The following CELSR1 variants were observed in gnomAD, a reference collection of about 807,000 sequenced individuals.
The protein encoded by CELSR1 is cadherin EGF LAG seven-pass G-type receptor 1.
In CELSR1, 110 loss-of-function variants were observed where a neutral mutation model predicts 249.1. The ratio of observed to expected loss-of-function variants is 0.44; its 90% CI spans 0.38 to 0.52. The LOEUF is 0.52. Among genes scored for constraint, CELSR1 ranks in the 20% least tolerant of loss-of-function variants. The pLI is 0.00. For missense variants in CELSR1, 4,109 were observed against 4,296.4 expected (o/e 0.96, Z 1.22); for synonymous variants, 2,113 against 1,900.0 (o/e 1.11, Z -2.92).
chr22:46,511,278 C>T (rs1374157793), intron 1 of CELSR1, among the ~76,000 whole-genome samples: 1 of 152,180 alleles, frequency 6.6e-6, no homozygotes, highest in Admixed American at 6.5e-5. Context: ...AACAAGGGCA[C>T]ACCTGGAGAC....
chr22:46,366,422 A>G lies in CELSR1; in HGVS notation c.8264T>C (p.Leu2755Ser), dbSNP rs1273515564. ...GTCCAGCGAGGCGGTGGACTCGCCC[A>G]AGTCTGTGCGCAGCATGTCAGGCCC... ...GDGPDMLRTD[L>S]GESTASLDSI... The change falls in exon 30 of 35, where the codon TTG becomes TCG. Residue 2755 changes from leucine to serine, a missense_variant. Physicochemically the swap from Leu to Ser is moderately radical, Grantham distance 145. Coordinates refer to ENST00000674500, the MANE Select transcript of CELSR1 (RefSeq NM_001378328.1). The G allele has an allele frequency of 3.2e-6, 5 of 1,549,954 alleles. No individual in the cohort carries two copies. The highest frequency in any genetic ancestry group is 4.4e-6 in the Non-Finnish European group (5 of 1,146,570).
rs1266806078 is a variant in CELSR1 at position 46,398,877 on chromosome 22, C to T, written c.5413-240G>A. ...TGTCCATGCCCCAGCCTAGCTGAGGCGGCCAGTGGGGTCAACGTGGGCAAC... is the reference window on the plus strand; with the variant it reads ...TGTCCATGCCCCAGCCTAGCTGAGGTGGCCAGTGGGGTCAACGTGGGCAAC... On this transcript the variant is annotated intron_variant, in intron 10 of 34. Coordinates refer to ENST00000674500, the MANE Select transcript of CELSR1 (RefSeq NM_001378328.1). This position sits in a 1 kb window ranked among gnomAD's most constrained non-coding sequence, Gnocchi z 7.2. Among the ~76,000 whole-genome samples, 2 of 152,202 alleles carry T rather than the reference C, an allele frequency of 1.3e-5. No individual in the cohort carries two copies. Among genetic ancestry groups the T allele is most frequent in the Non-Finnish European group, 2.9e-5 (2 of 68,044 alleles).
Position 46,490,079 on chromosome 22 carries a change from T to A in CELSR1, c.3545-25734A>T, listed in dbSNP as rs1160473917. On this transcript the variant is annotated intron_variant, in intron 1 of 34. Coordinates refer to ENST00000674500, the MANE Select transcript of CELSR1 (RefSeq NM_001378328.1). This position sits in a 1 kb window ranked among gnomAD's most constrained non-coding sequence, Gnocchi z 5.2. Reference sequence around the variant, plus strand: ...CCCACAGGGCTGCACAGAGACCCAGTGAGCCGCTTTCTGAGAACCAACGTT... The same window carrying A: ...CCCACAGGGCTGCACAGAGACCCAGAGAGCCGCTTTCTGAGAACCAACGTT... Among the ~76,000 whole-genome samples the A allele has an allele frequency of 6.6e-6, 1 of 152,106 alleles. No individual in the cohort carries two copies. Among genetic ancestry groups the A allele is most frequent in the East Asian group, 1.9e-4 (1 of 5,182 alleles).
In CELSR1 at chr22:46,535,025, C is replaced by T. The variant is rs758640071; in HGVS notation, c.2146G>A (p.Ala716Thr). Reference protein sequence around the residue: ...VLTLQARDRDANSVITYQLTG... With the variant: ...VLTLQARDRDTNSVITYQLTG... ...AGCTGGTAGGTAATCACACTGTTGG[C>T]GTCACGGTCGCGGGCCTGCAGGGTC... Residue 716 changes from alanine (A) to threonine (T), a missense_variant, in exon 1 of 35, where the codon GCC becomes ACC. Ala to Thr is a moderately conservative substitution (Grantham distance 58). Transcript: ENST00000674500. The T allele has an allele frequency of 6.2e-7, 1 of 1,612,404 alleles. No individual in the cohort carries two copies. The highest frequency in any genetic ancestry group is 1.1e-5 in the South Asian group (1 of 91,066).
chr22:46,364,844 C>T, intron 32 of CELSR1, 108 bp from the exon 33 acceptor site: 1 of 1,111,306 alleles, frequency 9.0e-7, no homozygotes, highest in Non-Finnish European at 1.3e-6. Flanking sequence ...AACCTGCAGG[C>T]CTGGTAGGGC....
intron 24 of CELSR1, among the ~76,000 whole-genome samples, chr22:46,376,815 AAAAGAAAG>A (rs72039140): frequency 1.3e-5 from 2 of 151,788 alleles, no homozygotes; most frequent in South Asian, 2.1e-4. Context: ...AAAAAAAAAA[AAAAGAAAG>A]AAAGAAAGAA....
chr22:46,382,196 C>T, intron 20 of CELSR1, 146 bp from the exon 21 acceptor site: 3 of 723,700 alleles, frequency 4.1e-6, no homozygotes, highest in Non-Finnish European at 6.6e-6. Flanking sequence ...AAAAACAGGA[C>T]TTATCACATG....
At chr22:46,479,510 A>G (rs2080244870) in intron 1 of CELSR1, among the ~76,000 whole-genome samples, 1 of 151,126 alleles carries the variant, frequency 6.6e-6, no homozygotes, top group Non-Finnish European at 1.5e-5. Flanking sequence ...GTCCCCCACA[A>G]GCTCATCACG....
At position 46,363,173 on chromosome 22, in the gene CELSR1, T is replaced by C; in HGVS notation, c.*50A>G. On this transcript the variant is annotated 3_prime_UTR_variant, in exon 35 of 35. Transcript: ENST00000674500. This position sits in a 1 kb window ranked among gnomAD's most constrained non-coding sequence, Gnocchi z 4.3. ...CCGCAGCCTGTGTGGGGTGACGGGC[T>C]TGCCTCACGGTTTCCTGATGGTTCA... 1.2e-6 allele frequency: 2 copies of C among 1,613,786 alleles called. No individual in the cohort carries two copies. The highest frequency in any genetic ancestry group is 2.2e-5 in the South Asian group (2 of 91,072).
chr22:46,384,245 A>AT (rs1390936218), intron 20 of CELSR1, among the ~76,000 whole-genome samples: 5 of 152,040 alleles, frequency 3.3e-5, no homozygotes, highest in Admixed American at 2.6e-4. Flanking sequence ...CTGGATTTTG[A>AT]TTTTTTTATT....
chr22:46,433,287 G>T lies in CELSR1; in HGVS notation c.4611+106C>A. 2 of 775,612 alleles carry T rather than the reference G, an allele frequency of 2.6e-6. No individual in the cohort carries two copies. Among genetic ancestry groups the T allele is most frequent in the South Asian group, 1.7e-5 (1 of 58,992 alleles). The allele number at this position is 775,612 out of a possible 1,614,324, so 48.0% of individuals were successfully genotyped here. On this transcript the variant is annotated intron_variant, in intron 5 of 34. Transcript: ENST00000674500. This position sits in a 1 kb window ranked among gnomAD's most constrained non-coding sequence, Gnocchi z 5.7. ...TGACCTCAGGTAATCCACCTGCCTT[G>T]GCCTCTCAAAGTGCTGGGATTACAG... is the stretch of plus-strand genomic sequence containing the variant.
chr22:46,364,801 C>G, intron 32 of CELSR1, 65 bp from the exon 33 acceptor site: 4 of 1,497,398 alleles, frequency 2.7e-6, no homozygotes, highest in Non-Finnish European at 3.6e-6. Flanking sequence ...CCTTGAGAGC[C>G]ATGGGTCTGG....
chr22:46,433,057 C>T lies in CELSR1; in HGVS notation c.4611+336G>A, dbSNP rs776138717. Reference sequence around the variant, plus strand: ...TTCCTTTTTTTTTTAGATGGAATTTCGCTCTGTTACCCAGGCTGGAATACA... The same window carrying T: ...TTCCTTTTTTTTTTAGATGGAATTTTGCTCTGTTACCCAGGCTGGAATACA... On this transcript the variant is annotated intron_variant, in intron 5 of 34. Coordinates refer to ENST00000674500, the MANE Select transcript of CELSR1 (RefSeq NM_001378328.1). The surrounding 1 kb of genome is among the most constrained non-coding windows in gnomAD (Gnocchi z 5.7). Among the ~76,000 whole-genome samples the T allele has an allele frequency of 7.3e-5, 11 of 151,558 alleles. No individual in the cohort carries two copies. Among genetic ancestry groups the T allele is most frequent in the African/African-American group, 2.2e-4 (9 of 41,214 alleles).
intron 31 of CELSR1, 29 bp from the exon 32 acceptor site, chr22:46,365,409 C>T (rs768664982): frequency 1.2e-5 from 20 of 1,609,796 alleles, no homozygotes; most frequent in Non-Finnish European, 1.7e-5. Context: ...CAGGGAGGCT[C>T]AGGCCCTGGG....
At chr22:46,389,652 A>C (rs2079068225) in intron 17 of CELSR1, among the ~76,000 whole-genome samples, 153 bp from the exon 18 acceptor site, 1 of 152,246 alleles carries the variant, frequency 6.6e-6, no homozygotes, top group African/African-American at 2.4e-5. Context: ...ATGGTGGCTC[A>C]CGCCTGTAAT....
Position 46,363,391 on chromosome 22 carries a change from T to C in CELSR1, c.9036-144A>G. 1.5e-6 allele frequency: 1 copy of C among 655,182 alleles called. No homozygotes were observed. Among genetic ancestry groups the C allele is most frequent in the South Asian group, 1.8e-5 (1 of 55,528 alleles). 40.6% of individuals were successfully genotyped at this position (655,182 alleles called of 1,614,324 possible). ...GGGGGCTCCAGGGAGGGCAAGCTCA[T>C]GTTGGATGAGGCTGCCCTTGGGAGG... On this transcript the variant is annotated intron_variant, in intron 34 of 34. Transcript: ENST00000674500. This position sits in a 1 kb window ranked among gnomAD's most constrained non-coding sequence, Gnocchi z 4.3.
intron 5 of CELSR1, among the ~76,000 whole-genome samples, chr22:46,420,279 CAT>C (rs1164991097): frequency 3.3e-5 from 5 of 149,998 alleles, no homozygotes; most frequent in African/African-American, 5.1e-5. Context: ...CACGTGCACT[CAT>C]ATATGCACAC....
rs2080356527 is a variant in CELSR1, at chr22:46,490,467, A to G, written c.3545-26122T>C. Among the ~76,000 whole-genome samples the G allele has an allele frequency of 6.6e-6, 1 of 151,898 alleles. No individual in the cohort carries two copies. Among genetic ancestry groups the G allele is most frequent in the Non-Finnish European group, 1.5e-5 (1 of 67,984 alleles). ...TCGTCTGGCTAATTTTTGTATTTTTAGTAGAGACGGGGTTTCACCATGTTG... is the reference window on the plus strand; with the variant it reads ...TCGTCTGGCTAATTTTTGTATTTTTGGTAGAGACGGGGTTTCACCATGTTG... On this transcript the variant is annotated intron_variant, in intron 1 of 34. Transcript: ENST00000674500. This position sits in a 1 kb window ranked among gnomAD's most constrained non-coding sequence, Gnocchi z 5.2.
At position 46,365,323 on chromosome 22, in the gene CELSR1, G is replaced by A. The variant is rs781379391; in HGVS notation, c.8462C>T (p.Ala2821Val). Residue 2821 changes from alanine to valine, a missense_variant, in exon 32 of 35, where the codon GCC (alanine) becomes GTC (valine). Around this residue, in one of 7 missense-constraint regions of CELSR1, gnomAD observed 1,805 missense variants for 1,831.6 expected, o/e 0.99. Transcript: ENST00000674500. ...LSLDEQSSSY[A>V]SSHSSDSEDD... ...CTCGCTGTCTGACGAGTGTGAGGAG[G>A]CGTAAGAGCTGCTCTGCTCATCCAG... The A allele has an allele frequency of 1.9e-6, 3 of 1,612,994 alleles. No individual in the cohort carries two copies. Among genetic ancestry groups the A allele is most frequent in the Non-Finnish European group, 2.5e-6 (3 of 1,179,972 alleles).
Sources: allele counts gnomAD v4.1 joint callset (sites outside exome capture counted in the v4.1 genomes callset), GRCh38; gene constraint gnomAD v4.1.1; regional missense constraint gnomAD v4.1.1; non-coding constraint Gnocchi (gnomAD v3.1); transcripts MANE v1.5; gene names NCBI Gene and HGNC (gene_info 2026-07-23, HGNC 2026-07-21).